The following UBE3D variants were observed in gnomAD, a reference collection of about 807,000 sequenced individuals.
UBE3D encodes E3 ubiquitin-protein ligase E3D.
Under a neutral mutation model 49.6 loss-of-function variants are expected in UBE3D, and 48 were observed. The observed-to-expected ratio is 0.97, with a 90% CI of 0.77 to 1.23. The LOEUF is 1.23. UBE3D is among the 50% of genes most tolerant of loss of function. UBE3D has a pLI of 0.00. For missense variants in UBE3D, 452 were observed against 468.4 expected, an observed-to-expected ratio of 0.96 and a Z score of 0.32; for synonymous variants, 189 against 174.2, an observed-to-expected ratio of 1.08 and a Z score of -0.67.
intron 7 of UBE3D, 87 bp from the exon 8 acceptor site, chr6:83,019,223 T>C: frequency 8.2e-7 from 1 of 1,218,794 alleles, no homozygotes; most frequent in Non-Finnish European, 1.1e-6. Context: ...AAAGAGACTA[T>C]GAAAATACCA....
chr6:82,908,624 T>C (rs1282322288), intron 9 of UBE3D, among the ~76,000 whole-genome samples: 1 of 152,126 alleles, frequency 6.6e-6, no homozygotes, highest in African/African-American at 2.4e-5. Flanking sequence ...AAAAATTTCA[T>C]ATTTCAATCC....
chr6:83,035,426 T>C (rs1329565493), intron 5 of UBE3D, among the ~76,000 whole-genome samples: 2 of 152,204 alleles, frequency 1.3e-5, no homozygotes, highest in African/African-American at 2.4e-5. Flanking sequence ...TTTGAGACTT[T>C]GTTATTTGCA....
chr6:82,956,525 G>A (rs983345133), intron 9 of UBE3D, among the ~76,000 whole-genome samples: 7 of 152,142 alleles, frequency 4.6e-5, no homozygotes, highest in African/African-American at 1.4e-4. Context: ...GAGGGCTAAG[G>A]AGAGAGAGGG....
intron 8 of UBE3D, among the ~76,000 whole-genome samples, chr6:83,009,169 C>T (rs1373876438): frequency 6.6e-6 from 1 of 152,144 alleles, no homozygotes; most frequent in Non-Finnish European, 1.5e-5. Flanking sequence ...AAAATAACCA[C>T]TTCCTTTTTC....
In UBE3D at chr6:82,892,393, C is replaced by T. The variant is rs185155052; in HGVS notation, c.*629G>A. 25 of 156,194 alleles carry T rather than the reference C, an allele frequency of 1.6e-4. No homozygotes were observed. Among genetic ancestry groups the T allele is most frequent in the South Asian group, 5.7e-4 (3 of 5,228 alleles). The allele number at this position is 156,194 out of a possible 1,614,324, so 9.7% of individuals were successfully genotyped here. ...CACAAAGAATAGAACAACTCTGTAACGGGATGCTAGTGAGGTATATTTATT... is the reference window on the plus strand; with the variant it reads ...CACAAAGAATAGAACAACTCTGTAATGGGATGCTAGTGAGGTATATTTATT... On this transcript the variant is annotated 3_prime_UTR_variant, in exon 10 of 10. Transcript: ENST00000369747.
chr6:82,957,410 G>A lies in UBE3D; in HGVS notation c.1051C>T (p.Leu351=). The A allele has an allele frequency of 1.2e-6, 2 of 1,614,074 alleles. No homozygotes were observed. Among genetic ancestry groups the A allele is most frequent in the South Asian group, 1.1e-5 (1 of 91,078 alleles). ...AAGCAGGTTGCAGAGGGCAGGGTTA[G>A]CGGGTGGACGCTGATGTCACTTTCC... The part of the protein sequence containing the change: ...LWESDISVHP[L]TLPSATCLEL... Residue 351 remains leucine (L), a synonymous_variant, in exon 9 of 10, where the codon CTA becomes TTA. Coordinates refer to ENST00000369747, the MANE Select transcript of UBE3D (RefSeq NM_198920.3).
intron 5 of UBE3D, among the ~76,000 whole-genome samples, chr6:83,027,458 A>AAAAAAAAAAAAG (rs571635643): frequency 6.8e-6 from 1 of 147,568 alleles, no homozygotes; most frequent in African/African-American, 2.5e-5. Context: ...AAAAAAAAAA[A>AAAAAAAAAAAAG]AAAGAAACCA....
chr6:82,911,574 C>T (rs77932733), intron 9 of UBE3D, among the ~76,000 whole-genome samples: 3,333 of 152,232 alleles, frequency 0.022, 132 homozygotes, highest in African/African-American at 0.075. Context: ...CCATAGCAAC[C>T]TTTTAAACTC....
downstream of UBE3D, among the ~76,000 whole-genome samples, chr6:82,888,036 C>T (rs1287190964): frequency 6.6e-6 from 1 of 152,112 alleles, no homozygotes. Context: ...TGGTTCCTTT[C>T]TCTGGTTTCC....
chr6:82,893,788 A>G (rs751952202), intron 9 of UBE3D, among the ~76,000 whole-genome samples: 3 of 152,116 alleles, frequency 2.0e-5, no homozygotes, highest in African/African-American at 4.8e-5. Context: ...AAAACATTCT[A>G]CTCTTGGGGA....
intron 8 of UBE3D, among the ~76,000 whole-genome samples, chr6:82,978,683 TA>T (rs1777900192): frequency 6.6e-6 from 1 of 152,152 alleles, no homozygotes; most frequent in Non-Finnish European, 1.5e-5. Flanking sequence ...TCTATTATGA[TA>T]AATCACCATG....
intron 9 of UBE3D, among the ~76,000 whole-genome samples, chr6:82,939,398 A>G (rs1158546281): frequency 6.6e-6 from 1 of 152,246 alleles, no homozygotes; most frequent in Admixed American, 6.5e-5. Context: ...GGGTACATAC[A>G]GTCATGAGCT....
rs896657981 is a variant in UBE3D at position 82,892,901 on chromosome 6, T to C, written c.*121A>G. 8.7e-7 allele frequency: 1 copy of C among 1,148,926 alleles called. No individual in the cohort carries two copies. 71.2% of individuals were successfully genotyped at this position (1,148,926 alleles called of 1,614,324 possible). A position where few individuals can be genotyped will look rare whatever the true frequency, so the allele number is the denominator to read the frequency against. ...TAAACTTAAAACTTCAATGCAATGC[T>C]CTTATCCCATAGCTCTGGTTCTTGT... On this transcript the variant is annotated 3_prime_UTR_variant, in exon 10 of 10. Coordinates refer to ENST00000369747, the MANE Select transcript of UBE3D (RefSeq NM_198920.3).
At chr6:82,939,111 A>AGGG in intron 9 of UBE3D, among the ~76,000 whole-genome samples, 1 of 152,190 alleles carries the variant, frequency 6.6e-6, no homozygotes, top group African/African-American at 2.4e-5. Flanking sequence ...TCATCACAGA[A>AGGG]TTAGACAAAC....
chr6:83,040,483 T>C (rs1213204224), intron 4 of UBE3D, among the ~76,000 whole-genome samples: 1 of 152,106 alleles, frequency 6.6e-6, no homozygotes, highest in Non-Finnish European at 1.5e-5. Flanking sequence ...CTATGGCCTA[T>C]TCTTTCCCCC....
chr6:82,983,820 A>T (rs1778277555), intron 8 of UBE3D, among the ~76,000 whole-genome samples: 1 of 152,190 alleles, frequency 6.6e-6, no homozygotes, highest in Admixed American at 6.5e-5. Context: ...TTTTGTCATT[A>T]GGATATATAC....
At chr6:83,007,285 GTTC>G (rs1780043928) in intron 8 of UBE3D, among the ~76,000 whole-genome samples, 1 of 151,978 alleles carries the variant, frequency 6.6e-6, no homozygotes, top group Admixed American at 6.6e-5. Context: ...ATGTAGAATT[GTTC>G]TTCTCAGCTC....
chr6:83,022,541 A>C lies in UBE3D; in HGVS notation c.758T>G (p.Val253Gly). Residue 253 changes from valine (V) to glycine (G), a missense_variant, in exon 7 of 10, where the codon GTG becomes GGG. Transcript: ENST00000369747. Reference sequence around the variant, plus strand: ...GAGCTGCACCAGACACTGGGCGATCACGCTCTGGACAAACCAAGACCTGTT... The same window carrying C: ...GAGCTGCACCAGACACTGGGCGATCCCGCTCTGGACAAACCAAGACCTGTT... ...IIPRSWFVQS[V>G]IAQCLVQLSS... is the part of the protein sequence containing the mutation. 6.3e-7 allele frequency: 1 copy of C among 1,595,922 alleles called. No homozygotes were observed. Among genetic ancestry groups the C allele is most frequent in the Non-Finnish European group, 8.5e-7 (1 of 1,173,844 alleles).
chr6:83,047,040 A>G (rs1291208494), intron 3 of UBE3D, among the ~76,000 whole-genome samples: 1 of 152,214 alleles, frequency 6.6e-6, no homozygotes, highest in African/African-American at 2.4e-5. Flanking sequence ...CTCCTAACGT[A>G]TATCATGAGC....
Sources: allele counts gnomAD v4.1 joint callset (sites outside exome capture counted in the v4.1 genomes callset), GRCh38; gene constraint gnomAD v4.1.1; transcripts MANE v1.5; gene names NCBI Gene and HGNC (gene_info 2026-07-23, HGNC 2026-07-21).